The following DCAF6 variants were observed in gnomAD, a reference collection of about 807,000 sequenced individuals.
The protein encoded by DCAF6 is DDB1- and CUL4-associated factor 6.
In DCAF6, 54 loss-of-function variants were observed where a neutral mutation model predicts 125.1. The ratio of observed to expected loss-of-function variants is 0.43; its 90% CI spans 0.35 to 0.54. DCAF6 has a LOEUF of 0.54. Among genes scored for constraint, DCAF6 ranks in the 20% least tolerant of loss-of-function variants. The pLI, the probability that DCAF6 is intolerant of heterozygous loss-of-function variation, is 0.01. For synonymous variants in DCAF6, 371 were observed against 390.4 expected (o/e 0.95, Z 0.58); for missense variants, 934 against 1,161.7 (o/e 0.80, Z 2.85).
the DCAF6 span, among the ~76,000 whole-genome samples, chr1:167,893,153 T>A: frequency 6.6e-6 from 1 of 152,308 alleles, no homozygotes; most frequent in Non-Finnish European, 1.5e-5. Flanking sequence ...TTACCTGCAT[T>A]GTTAAATCTC....
chr1:167,954,417 C>G (rs1674440094), intron 2 of DCAF6, among the ~76,000 whole-genome samples: 1 of 151,520 alleles, frequency 6.6e-6, no homozygotes, highest in South Asian at 2.1e-4. Context: ...GTGAATTACC[C>G]CTAGATTTGT....
chr1:167,965,334 T>C (rs139331954), intron 2 of DCAF6, among the ~76,000 whole-genome samples: 20 of 152,304 alleles, frequency 1.3e-4, no homozygotes, highest in Non-Finnish European at 2.2e-4. Flanking sequence ...GTATTTTCCT[T>C]CCCCAATGCG....
the DCAF6 span, chr1:167,893,872 A>G: frequency 3.1e-6 from 5 of 1,613,296 alleles, no homozygotes; most frequent in Non-Finnish European, 4.2e-6. Flanking sequence ...AATGCTTTCC[A>G]TCACATACTT....
chr1:167,897,997 C>CAAAAAAAAA, the DCAF6 span, among the ~76,000 whole-genome samples: 4 of 17,390 alleles, frequency 2.3e-4, no homozygotes, highest in African/African-American at 9.3e-4. Flanking sequence ...GACTCTGTCT[C>CAAAAAAAAA]AAAAAAAAAA....
At chr1:167,933,583 C>A (rs1670974839), upstream of DCAF6, among the ~76,000 whole-genome samples, 1 of 152,164 alleles carries the variant, frequency 6.6e-6, no homozygotes, top group Non-Finnish European at 1.5e-5. Flanking sequence ...CATTTCATAT[C>A]ATTTAATAAA....
At chr1:167,926,154 A>G in the DCAF6 span, among the ~76,000 whole-genome samples, 6 of 152,196 alleles carry the variant, frequency 3.9e-5, no homozygotes, top group African/African-American at 1.2e-4. Context: ...GTATCTAACC[A>G]TTTTTACATT....
chr1:167,920,292 A>C, the DCAF6 span, among the ~76,000 whole-genome samples: 1 of 152,214 alleles, frequency 6.6e-6, no homozygotes, highest in Non-Finnish European at 1.5e-5. Flanking sequence ...CTTTAAAGTG[A>C]CTATTAACTG....
the DCAF6 span, chr1:167,878,366 T>C: frequency 1.1e-5 from 16 of 1,514,130 alleles, no homozygotes; most frequent in Non-Finnish European, 1.5e-5. Flanking sequence ...CTCCAAATCT[T>C]AAATGGGTGA....
At chr1:167,998,145 G>A (rs968871753) in intron 7 of DCAF6, among the ~76,000 whole-genome samples, 1 of 152,034 alleles carries the variant, frequency 6.6e-6, no homozygotes, top group Non-Finnish European at 1.5e-5. Flanking sequence ...AGTAAATATT[G>A]CATTAAAGCA....
At chr1:167,922,171 C>T in the DCAF6 span, among the ~76,000 whole-genome samples, 5 of 152,124 alleles carry the variant, frequency 3.3e-5, no homozygotes, top group African/African-American at 1.2e-4. Flanking sequence ...GTCTCCCCAC[C>T]AGAGAACAAA....
chr1:167,984,166 A>G (rs1483248560), intron 4 of DCAF6, among the ~76,000 whole-genome samples: 1 of 152,194 alleles, frequency 6.6e-6, no homozygotes, highest in Non-Finnish European at 1.5e-5. Context: ...GTTCTAAAAA[A>G]GTTGATTTTG....
At chr1:167,941,828 G>A (rs976985820) in intron 1 of DCAF6, among the ~76,000 whole-genome samples, 1 of 152,046 alleles carries the variant, frequency 6.6e-6, no homozygotes, top group Non-Finnish European at 1.5e-5. Context: ...AACTAGGGTC[G>A]AACACTTTTA....
At chr1:167,908,448 A>G in the DCAF6 span, among the ~76,000 whole-genome samples, 1 of 152,164 alleles carries the variant, frequency 6.6e-6, no homozygotes, top group Non-Finnish European at 1.5e-5. Flanking sequence ...CAAAGTTTCA[A>G]TTAGACCCAA....
chr1:167,961,555 T>A (rs1675602970), intron 2 of DCAF6, among the ~76,000 whole-genome samples: 1 of 152,196 alleles, frequency 6.6e-6, no homozygotes, highest in Non-Finnish European at 1.5e-5. Flanking sequence ...GGAGGGTTTT[T>A]AAAATTTTAT....
At chr1:168,022,298 A>T (rs977226685) in intron 11 of DCAF6, among the ~76,000 whole-genome samples, 4 of 152,218 alleles carry the variant, frequency 2.6e-5, no homozygotes, top group Non-Finnish European at 4.4e-5. Flanking sequence ...AAGCTGTTCT[A>T]TTTGAAGCCA....
At chr1:168,063,871 T>C in intron 18 of DCAF6, 112 bp downstream of exon 18, 1 of 1,008,072 alleles carries the variant, frequency 9.9e-7, no homozygotes. Flanking sequence ...ATTACATTAT[T>C]AAATCTTCAG....
chr1:167,916,067 G>A, the DCAF6 span, among the ~76,000 whole-genome samples: 3 of 152,138 alleles, frequency 2.0e-5, no homozygotes, highest in African/African-American at 7.2e-5. Flanking sequence ...GCACCACTGT[G>A]GAAATTATTT....
intron 17 of DCAF6, among the ~76,000 whole-genome samples, chr1:168,061,716 T>C (rs929667877): frequency 6.6e-6 from 1 of 152,190 alleles, no homozygotes; most frequent in African/African-American, 2.4e-5. Context: ...TTTTTAAAAG[T>C]TAAATTGCTG....
At chr1:168,000,091 A>C (rs1571878527) in intron 7 of DCAF6, among the ~76,000 whole-genome samples, 1 of 152,146 alleles carries the variant, frequency 6.6e-6, no homozygotes. Context: ...TAACTGGCCT[A>C]ATTTCAATAT....
Sources: gnomAD v4.1 joint callset for allele counts (sites outside exome capture counted in the v4.1 genomes callset) on GRCh38, gnomAD v4.1.1 for gene constraint, MANE v1.5 for transcripts, NCBI Gene and HGNC (gene_info 2026-07-23, HGNC 2026-07-21) for gene names.